Variants in DCDC2C observed in about 807,000 individuals in gnomAD.
DCDC2C encodes doublecortin domain containing 2C, also known as doublecortin domain-containing protein 2C.
In DCDC2C, 44 loss-of-function variants were observed where a neutral mutation model predicts 45.0. The ratio of observed to expected loss-of-function variants is 0.98; its 90% CI spans 0.77 to 1.26. DCDC2C has a LOEUF of 1.26. Among genes scored for constraint, DCDC2C ranks in the 50% most tolerant of loss-of-function variants. The pLI is 0.00. For synonymous variants in DCDC2C, 187 were observed against 178.8 expected, an observed-to-expected ratio of 1.05 and a Z score of -0.37; for missense variants, 447 against 468.9, an observed-to-expected ratio of 0.95 and a Z score of 0.43.
chr2:3,817,336 C>T (rs998806073), intron 10 of DCDC2C, among the ~76,000 whole-genome samples: 1 of 152,036 alleles, frequency 6.6e-6, no homozygotes, highest in African/African-American at 2.4e-5. Flanking sequence ...CCTCTTTTTG[C>T]CCATATAACA....
intron 10 of DCDC2C, among the ~76,000 whole-genome samples, chr2:3,832,515 G>A (rs1051290423): frequency 1.3e-5 from 2 of 152,148 alleles, no homozygotes; most frequent in Non-Finnish European, 2.9e-5. Flanking sequence ...AAAGCCGCTC[G>A]AGGCCATACA....
intron 10 of DCDC2C, among the ~76,000 whole-genome samples, chr2:3,839,883 A>G (rs1558250495): frequency 1.3e-5 from 2 of 152,228 alleles, no homozygotes; most frequent in South Asian, 4.1e-4. Flanking sequence ...TATGTTAATT[A>G]TGCCGATAGA....
At chr2:3,813,164 C>T (rs767537847) in intron 10 of DCDC2C, among the ~76,000 whole-genome samples, 7 of 151,298 alleles carry the variant, frequency 4.6e-5, no homozygotes, top group South Asian at 2.1e-4. Context: ...CTCCACCTCT[C>T]GGGTTCAAGC....
At chr2:3,829,220 A>G (rs1671896695) in intron 10 of DCDC2C, among the ~76,000 whole-genome samples, 1 of 150,882 alleles carries the variant, frequency 6.6e-6, no homozygotes, top group East Asian at 1.9e-4. Flanking sequence ...GAGCCTGAGA[A>G]TCCGGATGCA....
intron 10 of DCDC2C, among the ~76,000 whole-genome samples, chr2:3,835,872 C>T (rs1672063231): frequency 6.6e-6 from 1 of 152,066 alleles, no homozygotes; most frequent in Admixed American, 6.5e-5. Context: ...GCCTCCTAAG[C>T]AGCTGGGACT....
At chr2:3,764,448 C>T (rs922123395) in intron 6 of DCDC2C, among the ~76,000 whole-genome samples, 1 of 152,170 alleles carries the variant, frequency 6.6e-6, no homozygotes. Context: ...TTGACTAGGA[C>T]AGACTCAGAC....
rs543985410 is a variant in DCDC2C, at chr2:3,769,182, G to A, written c.854-129G>A. 221 of 771,930 alleles carry A rather than the reference G, an allele frequency of 2.9e-4. No individual in the cohort carries two copies. In the African/African-American group the frequency reaches 3.3e-3, roughly 11 times the overall value. 47.8% of individuals were successfully genotyped at this position (771,930 alleles called of 1,614,324 possible). On this transcript the variant is annotated intron_variant, in intron 7 of 10. Coordinates refer to ENST00000399143, the MANE Select transcript of DCDC2C (RefSeq NM_001287444.2). The stretch of plus-strand genomic sequence containing the variant: ...GGTGAGGCGGACGGGGTTTGGGACT[G>A]CAGACCAGGTGGCCTGCCCGAAGCT...
At chr2:3,725,302 C>T (rs1038289238) in intron 2 of DCDC2C, among the ~76,000 whole-genome samples, 1 of 152,120 alleles carries the variant, frequency 6.6e-6, no homozygotes, top group Non-Finnish European at 1.5e-5. Context: ...GCTGTGGGGG[C>T]TCGAGCAGAG....
chr2:3,842,442 G>A (rs748573981), intron 10 of DCDC2C, among the ~76,000 whole-genome samples: 2 of 152,004 alleles, frequency 1.3e-5, no homozygotes, highest in Non-Finnish European at 2.9e-5. Flanking sequence ...GAGGAAGGGG[G>A]TGGTGGGCAG....
At chr2:3,791,057 C>G (rs543317752) in intron 10 of DCDC2C, among the ~76,000 whole-genome samples, 1 of 151,986 alleles carries the variant, frequency 6.6e-6, no homozygotes, top group Non-Finnish European at 1.5e-5. Flanking sequence ...TTGCAGGAGC[C>G]GAGATCGCGC....
intron 6 of DCDC2C, among the ~76,000 whole-genome samples, chr2:3,766,967 C>T (rs112087223): frequency 0.02 from 3,050 of 152,310 alleles, 61 homozygotes; most frequent in South Asian, 0.034. Flanking sequence ...TGGGCAGTGA[C>T]GGCCACAGCT....
chr2:3,746,438 G>A (rs1472378625), intron 4 of DCDC2C, among the ~76,000 whole-genome samples: 1 of 152,154 alleles, frequency 6.6e-6, no homozygotes, highest in Admixed American at 6.5e-5. Context: ...ATGGAGCGGG[G>A]GACATGGAGG....
intron 10 of DCDC2C, among the ~76,000 whole-genome samples, chr2:3,843,837 C>G (rs1672268861): frequency 6.6e-6 from 1 of 152,142 alleles, no homozygotes; most frequent in South Asian, 2.1e-4. Context: ...ACCTTTGATT[C>G]TAGCTTCTCT....
chr2:3,790,583 G>A (rs1053519373), intron 10 of DCDC2C, among the ~76,000 whole-genome samples: 3 of 152,254 alleles, frequency 2.0e-5, no homozygotes, highest in Middle Eastern at 3.4e-3. Flanking sequence ...AATGACAATG[G>A]CATTGATTCA....
At chr2:3,795,876 TTAAAG>T (rs1457453784) in intron 10 of DCDC2C, among the ~76,000 whole-genome samples, 1 of 131,602 alleles carries the variant, frequency 7.6e-6, no homozygotes, top group African/African-American at 3.0e-5. Context: ...CATATGAACT[TTAAAG>T]TAGTTTTTTC....
At position 3,759,114 on chromosome 2, in the gene DCDC2C, C is replaced by T. The variant is rs117106345; in HGVS notation, c.726+4480C>T. On this transcript the variant is annotated intron_variant, in intron 6 of 10. Coordinates refer to ENST00000399143, the MANE Select transcript of DCDC2C (RefSeq NM_001287444.2). Reference sequence around the variant, plus strand: ...CCAAAATGTGCAGTTCAGGTACCAACGGCTCAGGGGCAATTCAGAGATGAG... The same window carrying T: ...CCAAAATGTGCAGTTCAGGTACCAATGGCTCAGGGGCAATTCAGAGATGAG... 1.5e-3 allele frequency among the ~76,000 whole-genome samples: 233 copies of T among 152,306 alleles called. 2 individuals are homozygous for T. The East Asian group carries it at 0.029, about 19-fold the overall frequency.
chr2:3,725,819 T>C lies in DCDC2C; in HGVS notation c.340-1184T>C, dbSNP rs1264684087. On this transcript the variant is annotated intron_variant, in intron 2 of 10. Transcript: ENST00000399143. ...GATGAGTAGAGAGTGATAAGGCTGC[T>C]CGGTGGATCCCAGAGGGAGATGAGC... 1.4e-3 allele frequency: 198 copies of C among 142,690 alleles called. 2 individuals are homozygous for C. Among genetic ancestry groups the C allele is most frequent in the South Asian group, 2.3e-3 (15 of 6,440 alleles). The allele number at this position is 142,690 out of a possible 1,614,324, so 8.8% of individuals were successfully genotyped here.
chr2:3,760,411 A>G (rs1203889531), intron 6 of DCDC2C, among the ~76,000 whole-genome samples: 2 of 152,200 alleles, frequency 1.3e-5, no homozygotes, highest in East Asian at 1.9e-4. Flanking sequence ...TTACAATAGC[A>G]AGACTTGGAA....
chr2:3,833,236 C>T (rs1004130089), intron 10 of DCDC2C, among the ~76,000 whole-genome samples: 2 of 152,234 alleles, frequency 1.3e-5, no homozygotes, highest in Non-Finnish European at 2.9e-5. Context: ...CCAGTATACT[C>T]GCCCTCTTTA....
Sources: allele counts gnomAD v4.1 joint callset (sites outside exome capture counted in the v4.1 genomes callset), GRCh38; gene constraint gnomAD v4.1.1; transcripts MANE v1.5; gene names NCBI Gene and HGNC (gene_info 2026-07-23, HGNC 2026-07-21).